Variants in DNTTIP2 observed in about 807,000 individuals in gnomAD.
DNTTIP2 encodes the protein deoxynucleotidyltransferase terminal interacting protein 2.
DNTTIP2 carries 47 observed loss-of-function variants against 62.4 expected under a neutral mutation model. That is an observed-to-expected ratio of 0.75 (90% CI 0.60 to 0.96). The LOEUF is 0.96. Among genes scored for constraint, DNTTIP2 ranks in the 40% least tolerant of loss-of-function variants. DNTTIP2 has a pLI of 0.00. For missense variants in DNTTIP2, 870 were observed against 849.1 expected, an observed-to-expected ratio of 1.02 and a Z score of -0.31; for synonymous variants, 322 against 300.9, an observed-to-expected ratio of 1.07 and a Z score of -0.73.
intron 3 of DNTTIP2, among the ~76,000 whole-genome samples, chr1:93,874,235 G>T (rs1342394698): frequency 2.6e-5 from 4 of 152,134 alleles, no homozygotes; most frequent in Non-Finnish European, 5.9e-5. Flanking sequence ...GTGGTGGTGA[G>T]GATAAGGAAG....
intron 1 of DNTTIP2, 148 bp downstream of exon 1, chr1:93,878,929 G>T: frequency 1.0e-6 from 1 of 990,242 alleles, no homozygotes; most frequent in Non-Finnish European, 1.4e-6. Context: ...GACAGGCTTA[G>T]CACGGGGCCT....
Position 93,876,269 on chromosome 1 carries a change from G to A in DNTTIP2, c.1666C>T (p.Leu556Phe), listed in dbSNP as rs202060541. Reference sequence around the variant, plus strand: ...TATAAAAATAAAGGAAAAACTTACAGTTTAGCCTTTGTGCTATTTAGGAAG... The same window carrying A: ...TATAAAAATAAAGGAAAAACTTACAATTTAGCCTTTGTGCTATTTAGGAAG... ...EDFLNSTKAK[L>F]LKLTSSSIDP... The change falls in exon 2 of 7, where the codon CTT (leucine) becomes TTT (phenylalanine). Residue 556 changes from leucine (L) to phenylalanine (F), a missense_variant and splice_region_variant. By Grantham distance (22) the Leu-to-Phe change is conservative. Transcript: ENST00000436063. 3.0e-5 allele frequency: 45 copies of A among 1,520,776 alleles called. No homozygotes were observed. The highest frequency in any genetic ancestry group is 3.8e-5 in the Non-Finnish European group (43 of 1,134,928). 94.2% of individuals were successfully genotyped at this position (1,520,776 alleles called of 1,614,324 possible). A position where few individuals can be genotyped will look rare whatever the true frequency, so the allele number is the denominator to read the frequency against.
chr1:93,872,248 A>G lies in DNTTIP2; in HGVS notation c.1903-12T>C, dbSNP rs1177041193. On this transcript the variant is annotated splice_polypyrimidine_tract_variant and intron_variant, in intron 4 of 6. Coordinates refer to ENST00000436063, the MANE Select transcript of DNTTIP2 (RefSeq NM_014597.5). ...TTTTGTCGTTCTTTCTGAAATTATG[A>G]TTTCAAAAATAAACATTCTAACAGC... 2 of 1,611,918 alleles carry G rather than the reference A, an allele frequency of 1.2e-6. No individual in the cohort carries two copies. The highest frequency in any genetic ancestry group is 8.5e-7 in the Non-Finnish European group (1 of 1,179,238).
intron 3 of DNTTIP2, among the ~76,000 whole-genome samples, chr1:93,874,810 A>G (rs993683882): frequency 2.6e-5 from 4 of 152,136 alleles, no homozygotes; most frequent in Admixed American, 6.6e-5. Flanking sequence ...GTGTTTTTAG[A>G]CAGAGAAATC....
In DNTTIP2 at chr1:93,870,742, G is replaced by A. The variant is rs1461362559; in HGVS notation, c.2118C>T (p.Pro706=). Residue 706 remains proline, a synonymous_variant, in exon 6 of 7, where the codon CCC becomes CCT. Coordinates refer to ENST00000436063, the MANE Select transcript of DNTTIP2 (RefSeq NM_014597.5). The part of the protein sequence containing the change: ...NPADFYHSRI[P]KKQRKRTIVE... ...CAATAGTTCTTTTCCTTTGCTTCTT[G>A]GGAATTCGTGAATGGTAGAAATCAG... The A allele has an allele frequency of 6.4e-7, 1 of 1,573,972 alleles. No homozygotes were observed. The highest frequency in any genetic ancestry group is 8.6e-7 in the Non-Finnish European group (1 of 1,156,926).
intron 5 of DNTTIP2, 33 bp downstream of exon 5, chr1:93,872,039 C>T (rs771784966): frequency 1.2e-6 from 2 of 1,607,514 alleles, no homozygotes; most frequent in East Asian, 4.5e-5. Flanking sequence ...CTAAAATTCA[C>T]AGATCATCAC....
chr1:93,878,959 CAA>C, intron 1 of DNTTIP2, 116 bp downstream of exon 1: 2 of 1,355,428 alleles, frequency 1.5e-6, no homozygotes, highest in Non-Finnish European at 2.0e-6. Context: ...AAGCGCGCGG[CAA>C]GCTCGGGTCC....
At chr1:93,875,572 G>A in intron 3 of DNTTIP2, 73 bp downstream of exon 3, 1 of 1,493,026 alleles carries the variant, frequency 6.7e-7, no homozygotes. Context: ...GGAAAATTAA[G>A]TCTTTTACCA....
At chr1:93,878,005 T>A in intron 1 of DNTTIP2, 143 bp from the exon 2 acceptor site, 4 of 1,313,510 alleles carry the variant, frequency 3.0e-6, no homozygotes, top group Non-Finnish European at 3.0e-6. Context: ...CAACTCATGA[T>A]TTTTAAAAAA....
In DNTTIP2 at chr1:93,877,337, T is replaced by C; in HGVS notation, c.598A>G (p.Thr200Ala). 10 of 1,613,780 alleles carry C rather than the reference T, an allele frequency of 6.2e-6. No individual in the cohort carries two copies. The highest frequency in any genetic ancestry group is 7.6e-6 in the Non-Finnish European group (9 of 1,179,870). The part of the protein sequence containing the change: ...SSDISFSGIA[T>A]RRTRSMQRKL... Reference sequence around the variant, plus strand: ...CTCTGCATACTCCTGGTTCTTCTAGTTGCAATTCCAGAGAATGAAATGTCT... The same window carrying C: ...CTCTGCATACTCCTGGTTCTTCTAGCTGCAATTCCAGAGAATGAAATGTCT... The change falls in exon 2 of 7, where the codon ACT (threonine) becomes GCT (alanine). Residue 200 changes from threonine to alanine, a missense_variant. By Grantham distance (58) the Thr-to-Ala change is moderately conservative. Transcript: ENST00000436063.
intron 6 of DNTTIP2, 34 bp from the exon 7 acceptor site, chr1:93,869,978 A>G (rs1655814856): frequency 5.2e-6 from 4 of 766,542 alleles, no homozygotes; most frequent in South Asian, 1.4e-5. Flanking sequence ...TATGTTTGAT[A>G]TATCAGACAT....
chr1:93,878,241 T>C (rs114992746), intron 1 of DNTTIP2, among the ~76,000 whole-genome samples: 2,850 of 152,206 alleles, frequency 0.019, 39 homozygotes, highest in Non-Finnish European at 0.019. Flanking sequence ...GAGGCAGAAG[T>C]TGCAGTGAGC....
rs969682063 is a variant in DNTTIP2, at chr1:93,866,499, C to T, written c.*3352G>A. ...GAACAAGTTGTCACTGCCTGAGAGA[C>T]TGAATACCTGGTACATCTCTCAGAA... is the stretch of plus-strand genomic sequence containing the variant. On this transcript the variant is annotated 3_prime_UTR_variant, in exon 7 of 7. Coordinates refer to ENST00000436063, the MANE Select transcript of DNTTIP2 (RefSeq NM_014597.5). 2.0e-5 allele frequency: 3 copies of T among 152,208 alleles called. No homozygotes were observed. Among genetic ancestry groups the T allele is most frequent in the African/African-American group, 7.2e-5 (3 of 41,448 alleles). 9.4% of individuals were successfully genotyped at this position (152,208 alleles called of 1,614,324 possible).
In DNTTIP2 at chr1:93,879,065, T is replaced by C. The variant is rs774289988; in HGVS notation, c.72+12A>G. On this transcript the variant is annotated intron_variant, in intron 1 of 6. Transcript: ENST00000436063. Reference sequence around the variant, plus strand: ...CGAAGCGGCGAGAAGTAGGGAAGACTGGATTTCCTACCTTTTGCCCGGAAC... The same window carrying C: ...CGAAGCGGCGAGAAGTAGGGAAGACCGGATTTCCTACCTTTTGCCCGGAAC... 3 of 1,613,326 alleles carry C rather than the reference T, an allele frequency of 1.9e-6. No individual in the cohort carries two copies. The highest frequency in any genetic ancestry group is 1.1e-5 in the South Asian group (1 of 91,094).
Position 93,876,670 on chromosome 1 carries a change from C to T in DNTTIP2, c.1265G>A (p.Cys422Tyr). ...MNSEGNVDFE[C>Y]DTKLYTSAPN... ...CGCAGACGTGTATAGTTTGGTATCA[C>T]ATTCAAAATCTACATTCCCTTCACT... The change falls in exon 2 of 7, where the codon TGT (cysteine) becomes TAT (tyrosine). Residue 422 changes from cysteine to tyrosine, a missense_variant. Physicochemically the swap from Cys to Tyr is radical, Grantham distance 194 (BLOSUM62 -2). Coordinates refer to ENST00000436063, the MANE Select transcript of DNTTIP2 (RefSeq NM_014597.5). The T allele has an allele frequency of 8.7e-6, 14 of 1,614,032 alleles. No homozygotes were observed. The highest frequency in any genetic ancestry group is 1.2e-5 in the Non-Finnish European group (14 of 1,179,890).
rs1655812730 is a variant in DNTTIP2 at position 93,869,906 on chromosome 1, T to A, written c.2216A>T (p.Lys739Ile). 3 of 780,258 alleles carry A rather than the reference T, an allele frequency of 3.8e-6. No homozygotes were observed. Among genetic ancestry groups the A allele is most frequent in the Middle Eastern group, 2.3e-4 (1 of 4,304 alleles). The allele number at this position is 780,258 out of a possible 1,614,324, so 48.3% of individuals were successfully genotyped here. A position where few individuals can be genotyped will look rare whatever the true frequency, so the allele number is the denominator to read the frequency against. Reference protein sequence around the residue: ...RRKYSEIMAEKAANAAGKKFR... With the variant: ...RRKYSEIMAEIAANAAGKKFR... ...CTTTTTTCCTGCTGCATTTGCTGCT[T>A]TTTCAGCCATGATCTCTGAGTACTT... The change falls in exon 7 of 7, where the codon AAA becomes ATA. Residue 739 changes from lysine to isoleucine, a missense_variant. By Grantham distance (102) the Lys-to-Ile change is moderately radical (BLOSUM62 -3). Coordinates refer to ENST00000436063, the MANE Select transcript of DNTTIP2 (RefSeq NM_014597.5).
Position 93,877,405 on chromosome 1 carries a change from T to G in DNTTIP2, c.530A>C (p.Glu177Ala). The stretch of plus-strand genomic sequence containing the variant: ...ATCAGATATAGCTTCTGTATGAGAT[T>G]CTTGGCTTGGATCTGTCAGAGATTT... ...KAKSLTDPSQESHTEAISDAE... is the reference protein window; with the variant it reads ...KAKSLTDPSQASHTEAISDAE... The change falls in exon 2 of 7, where the codon GAA (glutamate) becomes GCA (alanine). Residue 177 changes from glutamate (E) to alanine (A), a missense_variant. Coordinates refer to ENST00000436063, the MANE Select transcript of DNTTIP2 (RefSeq NM_014597.5). The G allele has an allele frequency of 3.7e-6, 6 of 1,613,872 alleles. No individual in the cohort carries two copies. The highest frequency in any genetic ancestry group is 4.2e-6 in the Non-Finnish European group (5 of 1,179,892).
chr1:93,876,637 G>A lies in DNTTIP2; in HGVS notation c.1298C>T (p.Thr433Ile), dbSNP rs1656013945. ...DTKLYTSAPNTSQGKDNSVLL... is the reference protein window; with the variant it reads ...DTKLYTSAPNISQGKDNSVLL... The stretch of plus-strand genomic sequence containing the variant: ...GACAGAATTATCTTTACCCTGAGAT[G>A]TGTTGGGCGCAGACGTGTATAGTTT... Residue 433 changes from threonine to isoleucine, a missense_variant, in exon 2 of 7, where the codon ACA (threonine) becomes ATA (isoleucine). Transcript: ENST00000436063. The A allele has an allele frequency of 6.2e-7, 1 of 1,613,916 alleles. No individual in the cohort carries two copies. The highest frequency in any genetic ancestry group is 8.5e-7 in the Non-Finnish European group (1 of 1,179,900).
rs780700023 is a variant in DNTTIP2, at chr1:93,872,126, G to A, written c.2013C>T (p.Asp671=). 1 of 1,613,676 alleles carries A rather than the reference G, an allele frequency of 6.2e-7. No individual in the cohort carries two copies. The highest frequency in any genetic ancestry group is 2.2e-5 in the East Asian group (1 of 44,860). The change falls in exon 5 of 7, where the codon GAC becomes GAT. Residue 671 remains aspartate (D), a synonymous_variant. Coordinates refer to ENST00000436063, the MANE Select transcript of DNTTIP2 (RefSeq NM_014597.5). The part of the protein sequence containing the change: ...LKALKMRASM[D]PKRFYKKNDR... The stretch of plus-strand genomic sequence containing the variant: ...CATTTTTCTTGTAAAATCTTTTCGG[G>A]TCCATGCTGGCTCTCATCTTCAGTG...
Sources: allele counts gnomAD v4.1 joint callset (sites outside exome capture counted in the v4.1 genomes callset), GRCh38; gene constraint gnomAD v4.1.1; transcripts MANE v1.5; gene names NCBI Gene and HGNC (gene_info 2026-07-23, HGNC 2026-07-21).